Variants in AHCY observed in about 807,000 individuals in gnomAD.
AHCY encodes adenosylhomocysteinase, also known as S-adenosyl-L-homocysteine hydrolase.
In AHCY, 24 loss-of-function variants were observed where a neutral mutation model predicts 45.4. The ratio of observed to expected loss-of-function variants is 0.53; its 90% CI spans 0.38 to 0.74. The LOEUF is 0.74. AHCY is among the 30% of genes least tolerant of loss of function. AHCY has a pLI of 0.00. For synonymous variants in AHCY, 245 were observed against 235.1 expected, an observed-to-expected ratio of 1.04 and a Z score of -0.39; for missense variants, 449 against 594.1, an observed-to-expected ratio of 0.76 and a Z score of 2.54.
chr20:34,278,632 T>C (rs1311442489), downstream of AHCY, among the ~76,000 whole-genome samples: 1 of 152,166 alleles, frequency 6.6e-6, no homozygotes, highest in African/African-American at 2.4e-5. Flanking sequence ...ACCTTGCTGG[T>C]GTGGAAGGGG....
chr20:34,232,166 G>A, the AHCY span, among the ~76,000 whole-genome samples: 1 of 152,350 alleles, frequency 6.6e-6, no homozygotes, highest in East Asian at 1.9e-4. Flanking sequence ...ATAGAAAGCA[G>A]TAAGTGAGCT....
At position 34,290,531 on chromosome 20, in the gene AHCY, A is replaced by AC. The variant is rs753303222; in HGVS notation, c.854+19dup. ...CTGCCCTCCTCCCTCACTCCCCGGGACCCCCCATCTGGCACCTACCGGCCA... is the reference window on the plus strand; with the variant it reads ...CTGCCCTCCTCCCTCACTCCCCGGGACCCCCCCATCTGGCACCTACCGGCCA... On this transcript the variant is annotated intron_variant, in intron 7 of 9. Transcript: ENST00000217426. This position sits in a 1 kb window ranked among gnomAD's most constrained non-coding sequence, Gnocchi z 4.5. 141 of 1,613,222 alleles carry AC rather than the reference A, an allele frequency of 8.7e-5. No individual in the cohort carries two copies. The highest frequency in any genetic ancestry group is 1.1e-4 in the Non-Finnish European group (134 of 1,179,816).
chr20:34,252,519 G>A, the AHCY span, among the ~76,000 whole-genome samples: 1 of 152,140 alleles, frequency 6.6e-6, no homozygotes, highest in Non-Finnish European at 1.5e-5. Flanking sequence ...CTCCCCTCTA[G>A]CCACAGGGCG....
intron 1 of AHCY, among the ~76,000 whole-genome samples, chr20:34,309,377 A>G (rs144096698): frequency 3.0e-4 from 45 of 152,316 alleles, no homozygotes; most frequent in African/African-American, 1.0e-3. Context: ...TATCATTAAT[A>G]ATGAAAATGA....
chr20:34,267,471 A>C, the AHCY span, among the ~76,000 whole-genome samples: 1 of 151,490 alleles, frequency 6.6e-6, no homozygotes, highest in Non-Finnish European at 1.5e-5. Flanking sequence ...AAAAAAAAAA[A>C]AAAAAAAAAA....
downstream of AHCY, among the ~76,000 whole-genome samples, chr20:34,277,215 G>A (rs1425775299): frequency 6.6e-6 from 1 of 152,134 alleles, no homozygotes; most frequent in Non-Finnish European, 1.5e-5. Context: ...TGGGCATGGG[G>A]CTTGGTGTGC....
the AHCY span, among the ~76,000 whole-genome samples, chr20:34,233,143 CTTTTT>C: frequency 2.0e-5 from 2 of 100,308 alleles, no homozygotes; most frequent in Non-Finnish European, 1.9e-5. Context: ...GGGACAAGAG[CTTTTT>C]TTTTTTTTTT....
At chr20:34,280,086 T>C (rs370188986), downstream of AHCY, among the ~76,000 whole-genome samples, 3 of 152,056 alleles carry the variant, frequency 2.0e-5, no homozygotes, top group African/African-American at 7.2e-5. Flanking sequence ...AGCGAGACTC[T>C]GTCTCAAAAA....
the AHCY span, among the ~76,000 whole-genome samples, chr20:34,258,700 A>ATATATATATATATATACTC: frequency 1.3e-5 from 1 of 77,918 alleles, no homozygotes; most frequent in African/African-American, 4.7e-5. Context: ...TACATACTAT[A>ATATATATATATATATACTC]TATATATATT....
chr20:34,277,564 G>A (rs371755534), downstream of AHCY, among the ~76,000 whole-genome samples: 480 of 151,890 alleles, frequency 3.2e-3, no homozygotes, highest in South Asian at 0.031. Context: ...TCAGGAGATC[G>A]AAACCACGGT....
the AHCY span, among the ~76,000 whole-genome samples, chr20:34,232,653 C>A: frequency 1.3e-5 from 2 of 152,196 alleles, no homozygotes; most frequent in African/African-American, 4.8e-5. Flanking sequence ...ATAACCAAGG[C>A]CACTCAGGCA....
chr20:34,243,926 G>A, the AHCY span, among the ~76,000 whole-genome samples: 1 of 152,126 alleles, frequency 6.6e-6, no homozygotes, highest in Non-Finnish European at 1.5e-5. Context: ...TTAACCGGGC[G>A]TGGTGGCGGG....
Position 34,285,464 on chromosome 20 carries a change from A to C in AHCY, c.1143T>G (p.Val381=). The C allele has an allele frequency of 6.2e-7, 1 of 1,614,044 alleles. No individual in the cohort carries two copies. Residue 381 remains valine, a synonymous_variant, in exon 9 of 10, where the codon GTT becomes GTG. Coordinates refer to ENST00000217426, the MANE Select transcript of AHCY (RefSeq NM_000687.4). ...ELWTHPDKYP[V]GVHFLPKKLD... is the part of the protein sequence containing the mutation. ...CCTTCTTGGGCAGGAAATGAACCCCAACGGGGTACTTGTCTGGATGGGTCC... is the reference window on the plus strand; with the variant it reads ...CCTTCTTGGGCAGGAAATGAACCCCCACGGGGTACTTGTCTGGATGGGTCC...
chr20:34,290,751 G>A lies in AHCY; in HGVS notation c.746C>T (p.Ala249Val). The A allele has an allele frequency of 6.2e-7, 1 of 1,613,954 alleles. No individual in the cohort carries two copies. Among genetic ancestry groups the A allele is most frequent in the South Asian group, 1.1e-5 (1 of 91,072 alleles). ...VIITEIDPIN[A>V]LQAAMEGYEV... ...CCTACCCTCCATGGCAGCCTGCAGT[G>A]CGTTGATGGGGTCAATCTCGGTGAT... Residue 249 changes from alanine (A) to valine (V), a missense_variant, in exon 6 of 10, where the codon GCA (alanine) becomes GTA (valine). By Grantham distance (64) the Ala-to-Val change is moderately conservative. Coordinates refer to ENST00000217426, the MANE Select transcript of AHCY (RefSeq NM_000687.4). The surrounding 1 kb of genome is among the most constrained non-coding windows in gnomAD (Gnocchi z 4.5).
At position 34,303,297 on chromosome 20, in the gene AHCY, G is replaced by A; in HGVS notation, c.-27C>T. On this transcript the variant is annotated 5_prime_UTR_variant, in exon 1 of 10. Transcript: ENST00000217426. ...CTGGCGGCACTCGTGATGGAAACGGGCGAAGGGGGCTGGGCCTCAGTCTGG... is the reference window on the plus strand; with the variant it reads ...CTGGCGGCACTCGTGATGGAAACGGACGAAGGGGGCTGGGCCTCAGTCTGG... The A allele has an allele frequency of 2.6e-6, 4 of 1,551,766 alleles. No individual in the cohort carries two copies. Among genetic ancestry groups the A allele is most frequent in the Non-Finnish European group, 3.5e-6 (4 of 1,146,992 alleles).
At position 34,290,563 on chromosome 20, in the gene AHCY, A is replaced by AT. The variant is rs758407256; in HGVS notation, c.841dup (p.Ile281AsnfsTer8). On this transcript the variant is annotated frameshift_variant, in exon 7 of 10. Transcript: ENST00000217426. LOFTEE classifies it high-confidence loss of function. This position sits in a 1 kb window ranked among gnomAD's most constrained non-coding sequence, Gnocchi z 4.5. ...ATCTGGCACCTACCGGCCAAGGATGATGTCAATACAGCCTGTGGTGGTGAC... is the reference window on the plus strand; with the variant it reads ...ATCTGGCACCTACCGGCCAAGGATGATTGTCAATACAGCCTGTGGTGGTGAC... 1 of 1,614,154 alleles carries AT rather than the reference A, an allele frequency of 6.2e-7. No homozygotes were observed. Among genetic ancestry groups the AT allele is most frequent in the Admixed American group, 1.7e-5 (1 of 60,024 alleles).
chr20:34,262,822 CTCTT>C, the AHCY span: 1 of 1,613,822 alleles, frequency 6.2e-7, no homozygotes, highest in East Asian at 2.2e-5. Context: ...CCTTTTGTCT[CTCTT>C]TGAAGCGCTG....
the AHCY span, among the ~76,000 whole-genome samples, chr20:34,240,565 G>T: frequency 6.6e-6 from 1 of 152,144 alleles, no homozygotes; most frequent in Non-Finnish European, 1.5e-5. Context: ...GCAAAAAAAG[G>T]TCCCAAAGAG....
the AHCY span, among the ~76,000 whole-genome samples, chr20:34,244,989 C>A: frequency 6.6e-6 from 1 of 152,154 alleles, no homozygotes; most frequent in South Asian, 2.1e-4. Flanking sequence ...AAATAATCAA[C>A]AAAAATGCTC....
Sources: allele counts gnomAD v4.1 joint callset (sites outside exome capture counted in the v4.1 genomes callset), GRCh38; gene constraint gnomAD v4.1.1; non-coding constraint Gnocchi (gnomAD v3.1); transcripts MANE v1.5; gene names NCBI Gene and HGNC (gene_info 2026-07-23, HGNC 2026-07-21).